PDE6A: variants seen among roughly 807,000 people sequenced by gnomAD.
The protein encoded by PDE6A is rod cGMP-specific 3',5'-cyclic phosphodiesterase subunit alpha.
PDE6A carries 84 observed loss-of-function variants against 106.3 expected under a neutral mutation model. That is an observed-to-expected ratio of 0.79 (90% confidence interval 0.66 to 0.95). PDE6A has a LOEUF of 0.95. Ranked by LOEUF, PDE6A falls within the 40% of genes least tolerant of loss-of-function variation. The pLI is 0.00. For missense variants in PDE6A, 1,052 were observed against 1,084.9 expected (o/e 0.97, Z 0.43); for synonymous variants, 394 against 386.6 (o/e 1.02, Z -0.23).
At chr5:149,862,924 T>G (rs1760194311) in intron 21 of PDE6A, among the ~76,000 whole-genome samples, 195 bp downstream of exon 21, 1 of 152,180 alleles carries the variant, frequency 6.6e-6, no homozygotes. Context: ...GCCTCAATCT[T>G]GGGAACCGGG....
chr5:149,908,670 C>T (rs1319244158), intron 6 of PDE6A, among the ~76,000 whole-genome samples: 1 of 150,124 alleles, frequency 6.7e-6, no homozygotes, highest in Non-Finnish European at 1.5e-5. Flanking sequence ...TTTAAATTTA[C>T]TTTTACTCAT....
Position 149,863,413 on chromosome 5 carries a change from T to C in PDE6A, c.2359-147A>G, listed in dbSNP as rs904058822. ...GCCACCGTGCTGATACTGCAGGGCCTCCGGTCTACACCAGCCCATGCCTCA... is the reference window on the plus strand; with the variant it reads ...GCCACCGTGCTGATACTGCAGGGCCCCCGGTCTACACCAGCCCATGCCTCA... On this transcript the variant is annotated intron_variant, in intron 20 of 21. Transcript: ENST00000255266. The surrounding 1 kb of genome is among the most constrained non-coding windows in gnomAD (Gnocchi z 4.7). The C allele has an allele frequency of 4.5e-5, 35 of 784,478 alleles. No homozygotes were observed. Among genetic ancestry groups the C allele is most frequent in the Middle Eastern group, 3.4e-4 (1 of 2,974 alleles). The allele number at this position is 784,478 out of a possible 1,614,324, so 48.6% of individuals were successfully genotyped here. A position where few individuals can be genotyped will look rare whatever the true frequency, so the allele number is the denominator to read the frequency against.
intron 1 of PDE6A, among the ~76,000 whole-genome samples, chr5:149,941,841 T>C (rs933238461): frequency 2.0e-5 from 3 of 152,240 alleles, no homozygotes; most frequent in Middle Eastern, 3.2e-3. Flanking sequence ...ATGAACTGTT[T>C]ATTAGATCAT....
chr5:149,861,544 G>T (rs1453174000), intron 21 of PDE6A, among the ~76,000 whole-genome samples: 1 of 152,184 alleles, frequency 6.6e-6, no homozygotes, highest in Admixed American at 6.5e-5. Context: ...CAGCTGCTAG[G>T]GAAGCTGAGG....
intron 16 of PDE6A, among the ~76,000 whole-genome samples, chr5:149,884,134 A>G (rs1426841126): frequency 6.6e-6 from 1 of 151,160 alleles, no homozygotes; most frequent in East Asian, 1.9e-4. Flanking sequence ...GTGAGCTGTG[A>G]TGGTGCCACC....
intron 1 of PDE6A, among the ~76,000 whole-genome samples, chr5:149,940,555 T>C (rs993459983): frequency 6.7e-6 from 1 of 149,658 alleles, no homozygotes; most frequent in South Asian, 2.1e-4. Flanking sequence ...TGGAGTGCAA[T>C]GGTGCGGTCT....
intron 17 of PDE6A, among the ~76,000 whole-genome samples, chr5:149,873,332 CTTTTT>C (rs527562371): frequency 7.3e-6 from 1 of 137,294 alleles, no homozygotes; most frequent in African/African-American, 2.7e-5. Flanking sequence ...ATGAGATACT[CTTTTT>C]TTTTTTTTTT....
intron 17 of PDE6A, among the ~76,000 whole-genome samples, chr5:149,881,871 T>A (rs1335531172): frequency 1.3e-5 from 2 of 151,852 alleles, no homozygotes; most frequent in African/African-American, 4.8e-5. Flanking sequence ...CTAGGCAACA[T>A]GGCAAAACCT....
In PDE6A at chr5:149,906,496, A is replaced by G. The variant is rs181299902; in HGVS notation, c.1065+816T>C. Among the ~76,000 whole-genome samples, 245 of 127,102 alleles carry G rather than the reference A, an allele frequency of 1.9e-3. 1 individual carries two copies. Among genetic ancestry groups the G allele is most frequent in the African/African-American group, 7.0e-3 (240 of 34,440 alleles). The allele number at this position is 127,102 out of a possible 152,430, so 83.4% of individuals were successfully genotyped here. ...AGCCAAATTCTCACCACTGCATTCC[A>G]GCCTGGGCAACAGAGACACTGTCAA... On this transcript the variant is annotated intron_variant, in intron 7 of 21. Coordinates refer to ENST00000255266, the MANE Select transcript of PDE6A (RefSeq NM_000440.3).
chr5:149,887,511 A>G (rs1157796321), intron 13 of PDE6A, among the ~76,000 whole-genome samples: 1 of 152,088 alleles, frequency 6.6e-6, no homozygotes, highest in Non-Finnish European at 1.5e-5. Flanking sequence ...AAAACTAAAA[A>G]TTTATGTGGA....
chr5:149,920,560 A>T lies in PDE6A; in HGVS notation c.933+1075T>A, dbSNP rs147895277. Among the ~76,000 whole-genome samples, 363 of 152,288 alleles carry T rather than the reference A, an allele frequency of 2.4e-3. 9 individuals are homozygous for T. In the South Asian group the frequency reaches 0.039, roughly 16 times the overall value. ...ACGCCATTGCACTCCAGCCTGGGTG[A>T]CAAGAGCAAAACTCCATCTCAAAAA... On this transcript the variant is annotated intron_variant, in intron 5 of 21. Coordinates refer to ENST00000255266, the MANE Select transcript of PDE6A (RefSeq NM_000440.3).
chr5:149,870,825 A>T (rs1186525291), intron 17 of PDE6A, among the ~76,000 whole-genome samples: 1 of 151,462 alleles, frequency 6.6e-6, no homozygotes, highest in African/African-American at 2.4e-5. Flanking sequence ...AGAATGGCAG[A>T]AAAAGGTCCA....
In PDE6A at chr5:149,866,270, A is replaced by G. The variant is rs1760329020; in HGVS notation, c.2275-17T>C. 1 of 1,587,968 alleles carries G rather than the reference A, an allele frequency of 6.3e-7. No homozygotes were observed. The highest frequency in any genetic ancestry group is 1.1e-5 in the South Asian group (1 of 90,554). On this transcript the variant is annotated splice_polypyrimidine_tract_variant and intron_variant, in intron 19 of 21. Transcript: ENST00000255266. ...CATCATGGGCTGTCATGGGGGAGAA[A>G]GAGTTAATTGCACTGGACAGTAAGA...
chr5:149,883,793 C>T (rs1761019582), intron 16 of PDE6A, among the ~76,000 whole-genome samples: 1 of 152,178 alleles, frequency 6.6e-6, no homozygotes, highest in Non-Finnish European at 1.5e-5. Context: ...TGATATCTAA[C>T]TCACAGGCTT....
chr5:149,903,674 G>C lies in PDE6A; in HGVS notation c.1087C>G (p.Pro363Ala). The C allele has an allele frequency of 6.2e-7, 1 of 1,613,792 alleles. No individual in the cohort carries two copies. The highest frequency in any genetic ancestry group is 8.5e-7 in the Non-Finnish European group (1 of 1,179,744). Residue 363 changes from proline (P) to alanine (A), a missense_variant, in exon 8 of 22, where the codon CCT (proline) becomes GCT (alanine). By Grantham distance (27) the Pro-to-Ala change is conservative. This residue lies in a region of PDE6A where 913 missense variants were observed against 915.2 expected (regional missense o/e 1.00). Coordinates refer to ENST00000255266, the MANE Select transcript of PDE6A (RefSeq NM_000440.3). ...NGLICNIMNA[P>A]AEDFFAFQKE... ...TGAAATGCAAAAAAGTCCTCCGCAGGCGCATTCATGATGTTGCAAATCTGA... is the reference window on the plus strand; with the variant it reads ...TGAAATGCAAAAAAGTCCTCCGCAGCCGCATTCATGATGTTGCAAATCTGA...
intron 5 of PDE6A, among the ~76,000 whole-genome samples, chr5:149,920,530 A>C (rs1172031335): frequency 2.6e-5 from 4 of 152,186 alleles, no homozygotes; most frequent in African/African-American, 9.7e-5. Flanking sequence ...CAGTGAGCCA[A>C]GATCACGCCA....
At chr5:149,930,911 C>G (rs1319891757) in intron 4 of PDE6A, 117 bp downstream of exon 4, 5 of 1,057,462 alleles carry the variant, frequency 4.7e-6, no homozygotes, top group African/African-American at 4.7e-5. Context: ...TTTCTACAAC[C>G]ATCCCAATTC....
At chr5:149,895,121 C>A in intron 13 of PDE6A, 62 bp downstream of exon 13, 1 of 930,642 alleles carries the variant, frequency 1.1e-6, no homozygotes, top group South Asian at 1.3e-5. Context: ...CATGTAGAGT[C>A]TGCATGAGAT....
chr5:149,895,149 G>T, intron 13 of PDE6A, 34 bp downstream of exon 13: 1 of 1,298,622 alleles, frequency 7.7e-7, no homozygotes, highest in Non-Finnish European at 1.1e-6. Flanking sequence ...TGTGATGCAA[G>T]CCCACCCTAC....
Sources: allele counts gnomAD v4.1 joint callset (sites outside exome capture counted in the v4.1 genomes callset), GRCh38; gene constraint gnomAD v4.1.1; regional missense constraint gnomAD v4.1.1; non-coding constraint Gnocchi (gnomAD v3.1); transcripts MANE v1.5; gene names NCBI Gene and HGNC (gene_info 2026-07-23, HGNC 2026-07-21).